TAFA1: variants seen among roughly 807,000 people sequenced by gnomAD.
TAFA1 encodes chemokine-like protein TAFA-1.
Under a neutral mutation model 18.5 loss-of-function variants are expected in TAFA1, and 4 were observed. That is an observed-to-expected ratio of 0.22 (90% CI 0.11 to 0.49). The LOEUF (loss-of-function observed/expected upper bound fraction) is 0.49. TAFA1 is among the 20% of genes least tolerant of loss of function. The pLI is 0.98. For missense variants in TAFA1, 147 were observed against 169.0 expected (o/e 0.87, Z 0.72); for synonymous variants, 56 against 55.2 (o/e 1.01, Z -0.06).
chr3:68,301,124 T>C (rs1221173901), intron 2 of TAFA1, among the ~76,000 whole-genome samples: 1 of 152,206 alleles, frequency 6.6e-6, no homozygotes, highest in Non-Finnish European at 1.5e-5. Flanking sequence ...AAATATTTAA[T>C]GAAACATTTC....
At chr3:68,166,995 G>T (rs993207688) in intron 2 of TAFA1, among the ~76,000 whole-genome samples, 2 of 152,152 alleles carry the variant, frequency 1.3e-5, no homozygotes, top group African/African-American at 4.8e-5. Context: ...AATATTGTTG[G>T]TGGAGGCTTT....
chr3:68,089,322 T>C (rs1289840395), intron 2 of TAFA1, among the ~76,000 whole-genome samples: 2 of 152,226 alleles, frequency 1.3e-5, no homozygotes, highest in Non-Finnish European at 2.9e-5. Context: ...ATGAATTTTA[T>C]AAAATTTTCA....
chr3:68,308,786 A>G (rs960556103), intron 2 of TAFA1, among the ~76,000 whole-genome samples: 6 of 152,102 alleles, frequency 3.9e-5, no homozygotes, highest in Non-Finnish European at 7.4e-5. Flanking sequence ...AGCTTGTCCC[A>G]TCTCATACAC....
intron 2 of TAFA1, among the ~76,000 whole-genome samples, chr3:68,176,484 A>G (rs2066127953): frequency 6.6e-6 from 1 of 152,202 alleles, no homozygotes; most frequent in Non-Finnish European, 1.5e-5. Context: ...TCCACCAAGT[A>G]AATAATAAAG....
At chr3:68,310,310 A>G (rs114665000) in intron 2 of TAFA1, among the ~76,000 whole-genome samples, 4,445 of 152,292 alleles carry the variant, frequency 0.029, 70 homozygotes, top group Non-Finnish European at 0.042. Flanking sequence ...TCGGCTTCTC[A>G]ATTACCAGTA....
At chr3:68,407,656 T>C (rs768358193) in intron 2 of TAFA1, among the ~76,000 whole-genome samples, 1 of 152,100 alleles carries the variant, frequency 6.6e-6, no homozygotes, top group Non-Finnish European at 1.5e-5. Context: ...ATTCTACAGA[T>C]GAGAATCTTG....
chr3:68,079,584 C>G (rs1456649794), intron 2 of TAFA1, among the ~76,000 whole-genome samples: 1 of 152,120 alleles, frequency 6.6e-6, no homozygotes, highest in South Asian at 2.1e-4. Flanking sequence ...AGTAGTCATT[C>G]AGGAGCAGGT....
intron 2 of TAFA1, among the ~76,000 whole-genome samples, chr3:68,352,605 C>A (rs1436356368): frequency 6.6e-6 from 1 of 152,024 alleles, no homozygotes; most frequent in Non-Finnish European, 1.5e-5. Flanking sequence ...AGAAAGCATT[C>A]TTCCTTTGTT....
intron 2 of TAFA1, among the ~76,000 whole-genome samples, chr3:68,416,156 C>T (rs906032443): frequency 6.6e-6 from 1 of 152,166 alleles, no homozygotes; most frequent in Non-Finnish European, 1.5e-5. Flanking sequence ...ACCCCACCAC[C>T]ACTGCACTGA....
chr3:68,387,702 A>G (rs968881363), intron 2 of TAFA1, among the ~76,000 whole-genome samples: 2 of 152,070 alleles, frequency 1.3e-5, no homozygotes, highest in East Asian at 1.9e-4. Flanking sequence ...TTGAAAGGCA[A>G]TTCTCTGCTG....
intron 2 of TAFA1, among the ~76,000 whole-genome samples, chr3:68,013,870 T>A (rs541769959): frequency 2.0e-5 from 3 of 152,274 alleles, no homozygotes; most frequent in South Asian, 2.1e-4. Context: ...AGAAAATGGA[T>A]AGGAATGCTG....
At chr3:68,221,044 C>T (rs2066723382) in intron 2 of TAFA1, among the ~76,000 whole-genome samples, 1 of 152,168 alleles carries the variant, frequency 6.6e-6, no homozygotes, top group South Asian at 2.1e-4. Context: ...TCCTTAGCAG[C>T]TTCAAGTCCC....
intron 2 of TAFA1, among the ~76,000 whole-genome samples, chr3:68,305,728 G>A (rs146473913): frequency 5.3e-5 from 8 of 151,720 alleles, no homozygotes; most frequent in African/African-American, 1.9e-4. Flanking sequence ...CAAGGGAAGA[G>A]GATATGTAAT....
intron 2 of TAFA1, among the ~76,000 whole-genome samples, chr3:68,354,400 G>A (rs374025377): frequency 4.6e-5 from 7 of 151,898 alleles, no homozygotes; most frequent in Admixed American, 6.6e-5. Context: ...AGATGCTACT[G>A]CTCTTTTAGG....
chr3:68,289,656 GA>G (rs1348766894), intron 2 of TAFA1, among the ~76,000 whole-genome samples: 1 of 152,180 alleles, frequency 6.6e-6, no homozygotes, highest in African/African-American at 2.4e-5. Context: ...GGATTTGAGT[GA>G]AATGGCAATG....
chr3:68,204,490 G>A (rs1425946187), intron 2 of TAFA1, among the ~76,000 whole-genome samples: 1 of 151,642 alleles, frequency 6.6e-6, no homozygotes, highest in African/African-American at 2.4e-5. Flanking sequence ...GCTCAGCTGT[G>A]GACCAACAGT....
intron 2 of TAFA1, among the ~76,000 whole-genome samples, chr3:68,325,055 C>T (rs74456948): frequency 0.12 from 18,892 of 152,108 alleles, 1,345 homozygotes; most frequent in East Asian, 0.27. Flanking sequence ...CAGATCTGCT[C>T]CACACTGACA....
chr3:68,303,415 T>C (rs182181903), intron 2 of TAFA1, among the ~76,000 whole-genome samples: 1 of 152,268 alleles, frequency 6.6e-6, no homozygotes, highest in Non-Finnish European at 1.5e-5. Context: ...CAATGATTTT[T>C]GGCCCAATTG....
chr3:68,508,149 G>A (rs187535643), intron 3 of TAFA1, among the ~76,000 whole-genome samples: 187 of 152,060 alleles, frequency 1.2e-3, no homozygotes, highest in African/African-American at 1.7e-3. Context: ...TTTCCTTGGC[G>A]TATGCAGTAA....
Sources: gnomAD v4.1 joint callset for allele counts (sites outside exome capture counted in the v4.1 genomes callset) on GRCh38, gnomAD v4.1.1 for gene constraint, MANE v1.5 for transcripts, NCBI Gene and HGNC (gene_info 2026-07-23, HGNC 2026-07-21) for gene names.